RAI14: variants seen among roughly 807,000 people sequenced by gnomAD.
RAI14 encodes ankycorbin.
In RAI14, 45 loss-of-function variants were observed where a neutral mutation model predicts 115.4. That is an observed-to-expected ratio of 0.39 (90% CI 0.31 to 0.50). RAI14 has a LOEUF of 0.50. RAI14 is among the 20% of genes least tolerant of loss of function. The pLI is 0.85. For synonymous variants in RAI14, 371 were observed against 415.4 expected (o/e 0.89, Z 1.30); for missense variants, 939 against 1,131.2 (o/e 0.83, Z 2.44).
intron 1 of RAI14, among the ~76,000 whole-genome samples, chr5:34,673,657 G>A (rs573394856): frequency 2.6e-5 from 4 of 152,304 alleles, no homozygotes; most frequent in East Asian, 3.9e-4. Context: ...TAGAAGGGGC[G>A]TGCCTTGCCT....
intron 2 of RAI14, among the ~76,000 whole-genome samples, chr5:34,713,506 A>G (rs2149971633): frequency 6.6e-6 from 1 of 152,306 alleles, no homozygotes; most frequent in East Asian, 1.9e-4. Flanking sequence ...AAACAAACCC[A>G]AAACTTAAAA....
chr5:34,717,612 G>A (rs977416881), intron 2 of RAI14, among the ~76,000 whole-genome samples: 50 of 152,124 alleles, frequency 3.3e-4, no homozygotes, highest in African/African-American at 1.2e-3. Context: ...CCTCCTTAAG[G>A]ATGTGAATTC....
rs376198462 is a variant in RAI14, at chr5:34,811,007, C to T, written c.451-5C>T. The T allele has an allele frequency of 7.1e-5, 114 of 1,612,900 alleles. No homozygotes were observed. The African/African-American group carries it at 1.3e-3, about 19-fold the overall frequency. On this transcript the variant is annotated splice_region_variant and splice_polypyrimidine_tract_variant and intron_variant, in intron 7 of 17. Transcript: ENST00000265109. ...GTAAAATCTAAATCTGAATTTGTCT[C>T]CTAGGATGGGAATATACCGCTGCTT... is the stretch of plus-strand genomic sequence containing the variant.
At chr5:34,814,931 G>A (rs1756024324) in intron 12 of RAI14, among the ~76,000 whole-genome samples, 1 of 151,872 alleles carries the variant, frequency 6.6e-6, no homozygotes, top group African/African-American at 2.4e-5. Context: ...ACCAATAATT[G>A]ATTTTCTTCA....
intron 15 of RAI14, 142 bp downstream of exon 15, chr5:34,824,633 A>T: frequency 1.4e-6 from 1 of 701,006 alleles, no homozygotes. Flanking sequence ...TCTGTCACCA[A>T]AGCCACATTA....
chr5:34,764,014 G>A (rs751081343), intron 3 of RAI14, among the ~76,000 whole-genome samples: 25 of 152,106 alleles, frequency 1.6e-4, no homozygotes, highest in Non-Finnish European at 3.2e-4. Context: ...ACCACACCTG[G>A]CTAATTTTTT....
At position 34,811,964 on chromosome 5, in the gene RAI14, C is replaced by T; in HGVS notation, c.736+19C>T. ...GATGCTGGTATGTAAAAGAAAATAG[C>T]CAATGTTGTTTTAAGTTTATCCACT... On this transcript the variant is annotated intron_variant, in intron 9 of 17. Coordinates refer to ENST00000265109, the MANE Select transcript of RAI14 (RefSeq NM_015577.3). The T allele has an allele frequency of 6.3e-7, 1 of 1,584,788 alleles. No individual in the cohort carries two copies. The highest frequency in any genetic ancestry group is 2.2e-5 in the East Asian group (1 of 44,648).
At chr5:34,687,828 G>C (rs1021494314) in intron 2 of RAI14, 2 of 1,366,926 alleles carry the variant, frequency 1.5e-6, no homozygotes, top group Non-Finnish European at 2.0e-6. Flanking sequence ...TTGACAGCTT[G>C]GCACAGCTGC....
At chr5:34,826,524 G>A in intron 16 of RAI14, 45 bp downstream of exon 16, 1 of 1,587,626 alleles carries the variant, frequency 6.3e-7, no homozygotes. Context: ...TGGAGGGCCT[G>A]GCAGATTTCC....
chr5:34,748,460 T>C (rs2048646), intron 2 of RAI14, among the ~76,000 whole-genome samples: 41,313 of 152,064 alleles, frequency 0.27, 6,486 homozygotes, highest in African/African-American at 0.44. Context: ...CCTGTATGTT[T>C]CAATCCTTGT....
chr5:34,830,819 C>A lies in RAI14; in HGVS notation c.*54C>A. 1.2e-6 allele frequency: 2 copies of A among 1,609,658 alleles called. No individual in the cohort carries two copies. Among genetic ancestry groups the A allele is most frequent in the East Asian group, 2.2e-5 (1 of 44,642 alleles). On this transcript the variant is annotated 3_prime_UTR_variant, in exon 18 of 18. Coordinates refer to ENST00000265109, the MANE Select transcript of RAI14 (RefSeq NM_015577.3). The stretch of plus-strand genomic sequence containing the variant: ...TTGTCATCTGTCTTTGTGTTAGATC[C>A]AGAGTTGTCGGCAGCCGCTGCCATT...
At chr5:34,760,203 CA>C (rs1197743962) in intron 3 of RAI14, among the ~76,000 whole-genome samples, 2 of 152,112 alleles carry the variant, frequency 1.3e-5, no homozygotes, top group African/African-American at 2.4e-5. Flanking sequence ...CATGCACCAC[CA>C]CACCCAGCTA....
Position 34,830,964 on chromosome 5 carries a change from C to G in RAI14, c.*199C>G. ...GAACTGCTTAGAGACTTCAAACCAGCAGAGGTGAAAGTCCCTGTCATCCCT... is the reference window on the plus strand; with the variant it reads ...GAACTGCTTAGAGACTTCAAACCAGGAGAGGTGAAAGTCCCTGTCATCCCT... On this transcript the variant is annotated 3_prime_UTR_variant, in exon 18 of 18. Transcript: ENST00000265109. The G allele has an allele frequency of 2.2e-6, 2 of 928,864 alleles. No homozygotes were observed. Among genetic ancestry groups the G allele is most frequent in the Non-Finnish European group, 3.0e-6 (2 of 664,756 alleles). 57.5% of individuals were successfully genotyped at this position (928,864 alleles called of 1,614,324 possible).
Position 34,762,929 on chromosome 5 carries a change from ATGTGTGTGTGTGTGTGTGTG to A in RAI14, c.167+5359_167+5378del, listed in dbSNP as rs34495404. ...GTGTGTAGATATAAGGAGTGTGTGC[ATGTGTGTGTGTGTGTGTGTG>A]TGTGTGTGTGTGTGTGTGTGTGTGT... On this transcript the variant is annotated intron_variant, in intron 3 of 17. Coordinates refer to ENST00000265109, the MANE Select transcript of RAI14 (RefSeq NM_015577.3). 1.9e-4 allele frequency among the ~76,000 whole-genome samples: 24 copies of A among 129,152 alleles called. No individual in the cohort carries two copies. The East Asian group carries it at 2.5e-3, about 13-fold the overall frequency. The allele number at this position is 129,152 out of a possible 152,430, so 84.7% of individuals were successfully genotyped here.
intron 2 of RAI14, among the ~76,000 whole-genome samples, chr5:34,752,484 G>T (rs1250805196): frequency 6.6e-6 from 1 of 151,886 alleles, no homozygotes; most frequent in Non-Finnish European, 1.5e-5. Flanking sequence ...TGTGGGCTTC[G>T]GTTGAGATGA....
intron 3 of RAI14, among the ~76,000 whole-genome samples, chr5:34,782,138 G>C (rs377504512): frequency 1.3e-5 from 2 of 152,146 alleles, no homozygotes; most frequent in African/African-American, 4.8e-5. Context: ...CCCTTATTTC[G>C]GTAAACCCAC....
intron 1 of RAI14, chr5:34,667,172 CTGTA>C (rs1743281384): frequency 6.6e-6 from 1 of 152,150 alleles, no homozygotes; most frequent in South Asian, 2.1e-4. Flanking sequence ...CTTGAGACTC[CTGTA>C]TGTAGCTAAT....
intron 1 of RAI14, among the ~76,000 whole-genome samples, 195 bp from the exon 2 acceptor site, chr5:34,686,677 T>G (rs2149884000): frequency 6.6e-6 from 1 of 152,302 alleles, no homozygotes; most frequent in Non-Finnish European, 1.5e-5. Context: ...AGGTTTTGGT[T>G]AATTTGAAAA....
intron 3 of RAI14, among the ~76,000 whole-genome samples, chr5:34,790,891 C>T (rs1443059333): frequency 2.0e-5 from 3 of 151,758 alleles, no homozygotes; most frequent in East Asian, 1.9e-4. Flanking sequence ...GAGAATTTCC[C>T]CATTGTAGAC....
Sources: gnomAD v4.1 joint callset for allele counts (sites outside exome capture counted in the v4.1 genomes callset) on GRCh38, gnomAD v4.1.1 for gene constraint, MANE v1.5 for transcripts, NCBI Gene and HGNC (gene_info 2026-07-23, HGNC 2026-07-21) for gene names.